The following ST8SIA6 variants were observed in gnomAD, a reference collection of about 807,000 sequenced individuals.
ST8SIA6 encodes ST8 alpha-N-acetyl-neuraminide alpha-2,8-sialyltransferase 6, also known as alpha-2,8-sialyltransferase 8F.
A neutral mutation model predicts 33.6 loss-of-function variants in ST8SIA6; 39 were observed. The observed-to-expected ratio is 1.16, with a 90% CI of 0.90 to 1.52. The LOEUF is 1.52. Among genes scored for constraint, ST8SIA6 ranks in the 40% most tolerant of loss-of-function variants. ST8SIA6 has a pLI of 0.00. For synonymous variants in ST8SIA6, 172 were observed against 167.2 expected (o/e 1.03, Z -0.22); for missense variants, 441 against 443.8 (o/e 0.99, Z 0.06).
intron 2 of ST8SIA6, among the ~76,000 whole-genome samples, chr10:17,394,593 T>C (rs1190916435): frequency 6.6e-6 from 1 of 152,150 alleles, no homozygotes; most frequent in Non-Finnish European, 1.5e-5. Flanking sequence ...CTTTTAGTTA[T>C]CTTTGCTTCT....
rs1368986000 is a variant in ST8SIA6, at chr10:17,327,027, C to T, written c.622G>A (p.Asp208Asn). The T allele has an allele frequency of 2.5e-6, 4 of 1,596,068 alleles. No homozygotes were observed. The highest frequency in any genetic ancestry group is 2.6e-6 in the Non-Finnish European group (3 of 1,173,506). Residue 208 changes from aspartate (D) to asparagine (N), a missense_variant, in exon 6 of 8, where the codon GAC becomes AAC. By Grantham distance (23) the Asp-to-Asn change is conservative (BLOSUM62 1). Coordinates refer to ENST00000377602, the MANE Select transcript of ST8SIA6 (RefSeq NM_001004470.3). ...GTCAGGTCTTACCTAAAAACGAAGT[C>T]GGATTTATCTATTTCAGTTCCACAG... Reference protein sequence around the residue: ...SLCGTEIDKSDFVFRCNLPPT... With the variant: ...SLCGTEIDKSNFVFRCNLPPT...
chr10:17,358,831 A>G (rs1849291488), intron 4 of ST8SIA6, among the ~76,000 whole-genome samples: 1 of 152,210 alleles, frequency 6.6e-6, no homozygotes, highest in Non-Finnish European at 1.5e-5. Context: ...CCCCAAAAAA[A>G]CCAGAGCAAT....
rs1287200611 is a variant in ST8SIA6 at position 17,353,940 on chromosome 10, C to G, written c.377+5574G>C. On this transcript the variant is annotated intron_variant, in intron 4 of 7. Transcript: ENST00000377602. ...AGTGTGTGTATTTCGGGGTTGGGGG[C>G]GGGAAGAAAGTAAAATAGAAATTAA... Among the ~76,000 whole-genome samples the G allele has an allele frequency of 2.0e-5, 3 of 152,008 alleles. No individual in the cohort carries two copies. In the East Asian group the frequency reaches 5.8e-4, roughly 29 times the overall value.
At chr10:17,363,335 C>T (rs1212349582) in intron 3 of ST8SIA6, among the ~76,000 whole-genome samples, 1 of 151,918 alleles carries the variant, frequency 6.6e-6, no homozygotes, top group Non-Finnish European at 1.5e-5. Flanking sequence ...CCCCCTTTTT[C>T]CATGAGTAAC....
At chr10:17,437,236 T>C (rs1046617188) in intron 2 of ST8SIA6, among the ~76,000 whole-genome samples, 2 of 152,188 alleles carry the variant, frequency 1.3e-5, no homozygotes, top group Admixed American at 6.5e-5. Context: ...CACAGCTCAA[T>C]GCAGCCTTGA....
chr10:17,378,680 C>T (rs772944668), intron 3 of ST8SIA6, among the ~76,000 whole-genome samples: 1 of 152,150 alleles, frequency 6.6e-6, no homozygotes, highest in African/African-American at 2.4e-5. Context: ...ATCTCCAATG[C>T]GTGAACTACT....
chr10:17,390,491 T>C, intron 3 of ST8SIA6, 40 bp downstream of exon 3: 3 of 1,512,338 alleles, frequency 2.0e-6, no homozygotes, highest in South Asian at 2.3e-5. Flanking sequence ...AATAAAACCC[T>C]TGTTGTAAAA....
chr10:17,373,363 A>G (rs1334017149), intron 3 of ST8SIA6, among the ~76,000 whole-genome samples: 1 of 152,226 alleles, frequency 6.6e-6, no homozygotes, highest in Non-Finnish European at 1.5e-5. Context: ...TATATAGCAC[A>G]TGCATTTGAC....
chr10:17,448,594 T>TA (rs1852801825), intron 2 of ST8SIA6, among the ~76,000 whole-genome samples: 2 of 126,854 alleles, frequency 1.6e-5, no homozygotes, highest in Non-Finnish European at 3.2e-5. Context: ...GCAGGGTTTT[T>TA]ATTGTTGTTG....
chr10:17,333,672 GATATATATATATATATATATATATATAT>G lies in ST8SIA6; in HGVS notation c.378-2148_378-2121del, dbSNP rs1165578414. Among the ~76,000 whole-genome samples the G allele has an allele frequency of 3.7e-4, 13 of 35,226 alleles. 1 individual carries two copies. Among genetic ancestry groups the G allele is most frequent in the East Asian group, 7.8e-4 (1 of 1,276 alleles). 23.1% of individuals were successfully genotyped at this position (35,226 alleles called of 152,430 possible). ...TTCCCTACTTAATAAATGGTGCTGG[GATATATATATATATATATATATATATAT>G]ATATATATATATATATATTTTTTTT... On this transcript the variant is annotated intron_variant, in intron 4 of 7. Transcript: ENST00000377602.
At chr10:17,327,722 C>A (rs192451698) in intron 5 of ST8SIA6, among the ~76,000 whole-genome samples, 1 of 152,066 alleles carries the variant, frequency 6.6e-6, no homozygotes, top group Non-Finnish European at 1.5e-5. Context: ...GCCTGGGCAA[C>A]AAAGCAAGAC....
chr10:17,350,063 A>C (rs1315511781), intron 4 of ST8SIA6, among the ~76,000 whole-genome samples: 1 of 152,190 alleles, frequency 6.6e-6, no homozygotes, highest in Non-Finnish European at 1.5e-5. Flanking sequence ...GGCTTCCTTG[A>C]GGAAGGGATA....
At chr10:17,453,075 G>A (rs76818018) in intron 2 of ST8SIA6, among the ~76,000 whole-genome samples, 2,235 of 151,820 alleles carry the variant, frequency 0.015, 47 homozygotes, top group African/African-American at 0.052. Flanking sequence ...AAAAACACAT[G>A]TGAATGATAA....
At chr10:17,394,496 A>G (rs573625307) in intron 2 of ST8SIA6, among the ~76,000 whole-genome samples, 33 of 152,210 alleles carry the variant, frequency 2.2e-4, no homozygotes, top group African/African-American at 7.9e-4. Flanking sequence ...ATTTCCTCAA[A>G]TCAGTCATTG....
At chr10:17,404,058 C>T (rs940302482) in intron 2 of ST8SIA6, among the ~76,000 whole-genome samples, 21 of 124,564 alleles carry the variant, frequency 1.7e-4, no homozygotes, top group African/African-American at 6.7e-4. Flanking sequence ...GAGGAAGACA[C>T]TGTCTCAAAA....
intron 2 of ST8SIA6, among the ~76,000 whole-genome samples, chr10:17,428,516 C>T (rs773944334): frequency 5.3e-5 from 8 of 152,046 alleles, no homozygotes; most frequent in Non-Finnish European, 1.2e-4. Flanking sequence ...GTCATACTGA[C>T]CTATGTGGAG....
In ST8SIA6 at chr10:17,318,714, GTTTTTC is replaced by G; in HGVS notation, c.*2158_*2163del. ...ACAAATCTACAAGATGGAGTTTATA[GTTTTTC>G]TTTTTGTTTTGCACTTGGTGAAAAA... On this transcript the variant is annotated 3_prime_UTR_variant, in exon 8 of 8. Transcript: ENST00000377602. 2.1e-6 allele frequency: 1 copy of G among 470,978 alleles called. No homozygotes were observed. Among genetic ancestry groups the G allele is most frequent in the Non-Finnish European group, 4.4e-6 (1 of 227,034 alleles). The allele number at this position is 470,978 out of a possible 1,614,324, so 29.2% of individuals were successfully genotyped here.
chr10:17,350,693 G>GT (rs1201795153), intron 4 of ST8SIA6, among the ~76,000 whole-genome samples: 1 of 151,088 alleles, frequency 6.6e-6, no homozygotes, highest in Non-Finnish European at 1.5e-5. Flanking sequence ...TTAAAATAGA[G>GT]TTGTCTATTG....
chr10:17,451,726 C>T (rs892714717), intron 2 of ST8SIA6, among the ~76,000 whole-genome samples: 1 of 152,146 alleles, frequency 6.6e-6, no homozygotes, highest in African/African-American at 2.4e-5. Context: ...GAAGAAATTA[C>T]AATTTCTCTA....
Sources: allele counts gnomAD v4.1 joint callset (sites outside exome capture counted in the v4.1 genomes callset), GRCh38; gene constraint gnomAD v4.1.1; transcripts MANE v1.5; gene names NCBI Gene and HGNC (gene_info 2026-07-23, HGNC 2026-07-21).